Variants in SLC16A9 observed in about 807,000 individuals in gnomAD.
The protein encoded by SLC16A9 is solute carrier family 16 member 9.
In SLC16A9, 26 loss-of-function variants were observed where a neutral mutation model predicts 44.3. The ratio of observed to expected loss-of-function variants is 0.59; its 90% confidence interval spans 0.43 to 0.81. The LOEUF (loss-of-function observed/expected upper bound fraction) is 0.81. SLC16A9 is among the 40% of genes least tolerant of loss of function. The probability of loss-of-function intolerance (pLI) is 0.00; values close to 1 mark genes in which losing one functional copy is unlikely to be tolerated. For synonymous variants in SLC16A9, 230 were observed against 225.1 expected (o/e 1.02, Z -0.19); for missense variants, 559 against 595.8 (o/e 0.94, Z 0.64).
chr10:59,655,891 A>G (rs1223622728), intron 4 of SLC16A9, among the ~76,000 whole-genome samples: 1 of 152,210 alleles, frequency 6.6e-6, no homozygotes, highest in African/African-American at 2.4e-5. Flanking sequence ...CATGGATATG[A>G]TTGCTATAAA....
chr10:59,653,445 A>AAAAAAAAAAAAG (rs1839262695), intron 5 of SLC16A9, among the ~76,000 whole-genome samples: 1 of 148,820 alleles, frequency 6.7e-6, no homozygotes. Flanking sequence ...AAAAAAAAAA[A>AAAAAAAAAAAAG]GCAGGCATTT....
chr10:59,702,844 A>G (rs1481403351), intron 1 of SLC16A9, among the ~76,000 whole-genome samples: 2 of 152,228 alleles, frequency 1.3e-5, no homozygotes, highest in Admixed American at 6.5e-5. Context: ...TCTAGTTGAA[A>G]TTCAAGAACA....
In SLC16A9 at chr10:59,684,227, G is replaced by A. The variant is rs199782986; in HGVS notation, c.65C>T (p.Thr22Ile). The change falls in exon 2 of 6, where the codon ACT becomes ATT. Residue 22 changes from threonine (T) to isoleucine (I), a missense_variant. By Grantham distance (89) the Thr-to-Ile change is moderately conservative. Coordinates refer to ENST00000395348, the MANE Select transcript of SLC16A9 (RefSeq NM_194298.3). ...TGGGGATCCGTAACACAAAAACTGA[G>A]TAAGGAAGGAGACAAACACAATCAC... ...GWVIVFVSFL[T>I]QFLCYGSPLA... 61 of 1,614,002 alleles carry A rather than the reference G, an allele frequency of 3.8e-5. No homozygotes were observed. The East Asian group carries it at 1.3e-3, about 34-fold the overall frequency.
rs537130795 is a variant in SLC16A9 at position 59,665,260 on chromosome 10, A to T, written c.341-938T>A. On this transcript the variant is annotated intron_variant, in intron 3 of 5. Transcript: ENST00000395348. ...TCCACAACATTATCTGTTCTTGAGG[A>T]TCACTCTAAAACAACAAATAAGCCA... Among the ~76,000 whole-genome samples the T allele has an allele frequency of 2.6e-4, 39 of 152,310 alleles. No homozygotes were observed. The East Asian group carries it at 6.9e-3, about 27-fold the overall frequency.
intron 3 of SLC16A9, 90 bp from the exon 4 acceptor site, chr10:59,664,412 T>A (rs923867949): frequency 3.8e-6 from 3 of 784,904 alleles, no homozygotes; most frequent in Non-Finnish European, 6.2e-6. Context: ...CGATAAGACA[T>A]TCCATTACTC....
At chr10:59,707,485 T>C (rs1840670943) in intron 1 of SLC16A9, among the ~76,000 whole-genome samples, 4 of 150,274 alleles carry the variant, frequency 2.7e-5, no homozygotes, top group South Asian at 4.2e-4. Flanking sequence ...ATAGGAGCAA[T>C]AAGTTTAAGA....
At chr10:59,691,732 G>A (rs911765068) in intron 1 of SLC16A9, among the ~76,000 whole-genome samples, 18 of 152,190 alleles carry the variant, frequency 1.2e-4, no homozygotes, top group Non-Finnish European at 2.5e-4. Flanking sequence ...AAAGCTTTAA[G>A]TTCCAGCACC....
chr10:59,692,768 C>G (rs887638775), intron 1 of SLC16A9, among the ~76,000 whole-genome samples: 1 of 152,176 alleles, frequency 6.6e-6, no homozygotes, highest in Non-Finnish European at 1.5e-5. Context: ...TATACCACCT[C>G]AGTTTGGGTG....
chr10:59,695,565 T>A (rs1840353255), intron 1 of SLC16A9, among the ~76,000 whole-genome samples: 1 of 152,130 alleles, frequency 6.6e-6, no homozygotes, highest in African/African-American at 2.4e-5. Flanking sequence ...ACCTCGTCAA[T>A]GGCCCTCCTT....
intron 2 of SLC16A9, among the ~76,000 whole-genome samples, chr10:59,676,102 G>A (rs577286810): frequency 7.6e-4 from 116 of 152,248 alleles, no homozygotes; most frequent in Non-Finnish European, 1.5e-3. Context: ...TTTTGTTAAT[G>A]TCTTATAGAT....
chr10:59,670,459 A>G (rs966645162), intron 3 of SLC16A9, among the ~76,000 whole-genome samples: 12 of 152,208 alleles, frequency 7.9e-5, no homozygotes, highest in Admixed American at 2.6e-4. Flanking sequence ...AGAAGTTACA[A>G]AACATGTTTA....
At chr10:59,664,794 C>T (rs1479029273) in intron 3 of SLC16A9, among the ~76,000 whole-genome samples, 1 of 152,154 alleles carries the variant, frequency 6.6e-6, no homozygotes, top group Non-Finnish European at 1.5e-5. Flanking sequence ...CCTGCACAAG[C>T]CAGTCTGCAA....
chr10:59,697,022 AGGTG>A (rs1160523542), intron 1 of SLC16A9, among the ~76,000 whole-genome samples: 37 of 92,746 alleles, frequency 4.0e-4, no homozygotes, highest in South Asian at 1.1e-3. Flanking sequence ...CCCGTCCGGG[AGGTG>A]AGGGGCGCCT....
At chr10:59,677,880 A>AT (rs1203205042) in intron 2 of SLC16A9, among the ~76,000 whole-genome samples, 2 of 151,524 alleles carry the variant, frequency 1.3e-5, no homozygotes, top group African/African-American at 2.4e-5. Flanking sequence ...TTTTATTATT[A>AT]TTTTTTTAAT....
At chr10:59,672,477 A>G (rs1442019370) in intron 3 of SLC16A9, among the ~76,000 whole-genome samples, 1 of 152,152 alleles carries the variant, frequency 6.6e-6, no homozygotes, top group Non-Finnish European at 1.5e-5. Context: ...TCCAAGTTTT[A>G]TGTTCCCCTC....
At chr10:59,694,531 G>A (rs1840326501) in intron 1 of SLC16A9, among the ~76,000 whole-genome samples, 1 of 151,754 alleles carries the variant, frequency 6.6e-6, no homozygotes, top group African/African-American at 2.4e-5. Context: ...GCCAGGTGCA[G>A]TGGCTCATGC....
intron 1 of SLC16A9, among the ~76,000 whole-genome samples, chr10:59,704,759 G>T (rs1028297137): frequency 6.6e-6 from 1 of 152,170 alleles, no homozygotes; most frequent in Non-Finnish European, 1.5e-5. Context: ...CCAGAGCTTG[G>T]CCTGAGAATA....
intron 2 of SLC16A9, among the ~76,000 whole-genome samples, chr10:59,680,100 G>A (rs1839954818): frequency 1.3e-5 from 2 of 152,196 alleles, no homozygotes; most frequent in Admixed American, 1.3e-4. Flanking sequence ...TATATGTAAT[G>A]AGGATGAGCT....
In SLC16A9 at chr10:59,687,392, G is replaced by C. The variant is rs1840157684; in HGVS notation, c.-36-3065C>G. On this transcript the variant is annotated intron_variant, in intron 1 of 5. Transcript: ENST00000395348. The stretch of plus-strand genomic sequence containing the variant: ...AAGTAATTTGCATTTTTATATTTTT[G>C]AGTGTTATTATAAATAATTGTTATT... Among the ~76,000 whole-genome samples, 8 of 152,260 alleles carry C rather than the reference G, an allele frequency of 5.3e-5. No homozygotes were observed. The South Asian group carries it at 1.7e-3, about 32-fold the overall frequency.
Sources: gnomAD v4.1 joint callset for allele counts (sites outside exome capture counted in the v4.1 genomes callset) on GRCh38, gnomAD v4.1.1 for gene constraint, MANE v1.5 for transcripts, NCBI Gene and HGNC (gene_info 2026-07-23, HGNC 2026-07-21) for gene names.